MYH14: variants seen among roughly 807,000 people sequenced by gnomAD.
MYH14 encodes myosin heavy chain 14.
A neutral mutation model predicts 255.5 loss-of-function variants in MYH14; 123 were observed. The observed-to-expected ratio is 0.48, with a 90% CI of 0.42 to 0.56. MYH14 has a LOEUF of 0.56. Ranked by LOEUF, MYH14 falls within the 20% of genes least tolerant of loss-of-function variation. The pLI, the probability that MYH14 is intolerant of heterozygous loss-of-function variation, is 0.00. For synonymous variants in MYH14, 1,095 were observed against 1,161.2 expected (o/e 0.94, Z 1.16); for missense variants, 2,423 against 2,802.3 (o/e 0.86, Z 3.06).
intron 10 of MYH14, among the ~76,000 whole-genome samples, chr19:50,243,064 T>C (rs1476494007): frequency 6.6e-6 from 1 of 152,092 alleles, no homozygotes; most frequent in Non-Finnish European, 1.5e-5. Context: ...CGAGTTACGG[T>C]GCTGTTGGCC....
chr19:50,267,872 G>C (rs1028908855), intron 23 of MYH14, among the ~76,000 whole-genome samples: 3 of 152,034 alleles, frequency 2.0e-5, no homozygotes, highest in Middle Eastern at 3.2e-3. Context: ...GAGCCTGTTG[G>C]GGCTGTAGGG....
At chr19:50,279,918 G>C in intron 30 of MYH14, 119 bp from the exon 31 acceptor site, 2 of 800,724 alleles carry the variant, frequency 2.5e-6, no homozygotes, top group Non-Finnish European at 4.3e-6. Flanking sequence ...CTGCCAGACT[G>C]TTTTCCACGG....
intron 27 of MYH14, 108 bp downstream of exon 27, chr19:50,272,839 C>A: frequency 9.0e-7 from 1 of 1,116,256 alleles, no homozygotes; most frequent in Non-Finnish European, 1.3e-6. Context: ...TGGAGCCACT[C>A]ACCAGCCACA....
rs1038442317 is a variant in MYH14 at position 50,250,291 on chromosome 19, G to A, written c.1657-224G>A. Among the ~76,000 whole-genome samples, 2 of 133,116 alleles carry A rather than the reference G, an allele frequency of 1.5e-5. No homozygotes were observed. Among genetic ancestry groups the A allele is most frequent in the South Asian group, 2.2e-4 (1 of 4,502 alleles). 87.3% of individuals were successfully genotyped at this position (133,116 alleles called of 152,430 possible). ...AATTTTTTGTATTTTTAGTAGAGTC[G>A]GGGGTTTCACTGTGTTAGCCAGGAT... On this transcript the variant is annotated intron_variant, in intron 14 of 42. Coordinates refer to ENST00000642316, the MANE Select transcript of MYH14 (RefSeq NM_001145809.2). This position sits in a 1 kb window ranked among gnomAD's most constrained non-coding sequence, Gnocchi z 5.4.
chr19:50,297,684 G>A (rs2036325214), intron 39 of MYH14, among the ~76,000 whole-genome samples: 1 of 151,216 alleles, frequency 6.6e-6, no homozygotes. Context: ...ATTTTTAGTA[G>A]TGATGGCATT....
chr19:50,230,685 G>T lies in MYH14; in HGVS notation c.973+62G>T. The T allele has an allele frequency of 1.4e-6, 2 of 1,451,918 alleles. No individual in the cohort carries two copies. Among genetic ancestry groups the T allele is most frequent in the South Asian group, 1.2e-5 (1 of 82,072 alleles). 89.9% of individuals were successfully genotyped at this position (1,451,918 alleles called of 1,614,324 possible). ...GAGGGTGGGCACCATGTCTCTCGGG[G>T]GCCCCTTCTGGGGAGGAAGCAAGAG... is the stretch of plus-strand genomic sequence containing the variant. On this transcript the variant is annotated intron_variant, in intron 9 of 42. Coordinates refer to ENST00000642316, the MANE Select transcript of MYH14 (RefSeq NM_001145809.2). This position sits in a 1 kb window ranked among gnomAD's most constrained non-coding sequence, Gnocchi z 4.7.
intron 7 of MYH14, 81 bp from the exon 8 acceptor site, chr19:50,226,822 G>A: frequency 7.5e-7 from 1 of 1,330,750 alleles, no homozygotes; most frequent in Non-Finnish European, 1.1e-6. Context: ...GGAGCAGTGG[G>A]TGTGGGGTTT....
At chr19:50,256,837 TTCTC>T (rs61244271) in intron 17 of MYH14, among the ~76,000 whole-genome samples, 60,164 of 151,978 alleles carry the variant, frequency 0.4, 12,299 homozygotes, top group Middle Eastern at 0.46. Context: ...TATCACTGTT[TTCTC>T]TCTCTATGCC....
intron 27 of MYH14, among the ~76,000 whole-genome samples, chr19:50,275,719 G>A (rs1164225157): frequency 6.6e-6 from 1 of 152,170 alleles, no homozygotes; most frequent in Non-Finnish European, 1.5e-5. Flanking sequence ...TCAGCTACAC[G>A]GGATGCTGTG....
chr19:50,308,615 T>C, intron 41 of MYH14: 2 of 191,074 alleles, frequency 1.0e-5, no homozygotes, highest in Non-Finnish European at 2.2e-5. Context: ...TCAGTGAAGT[T>C]GGTCTGGACA....
chr19:50,279,179 C>T (rs1390584281), intron 30 of MYH14, among the ~76,000 whole-genome samples: 1 of 152,156 alleles, frequency 6.6e-6, no homozygotes, highest in Non-Finnish European at 1.5e-5. Context: ...CACTAATCTC[C>T]TTTCTGTCTT....
intron 12 of MYH14, 73 bp downstream of exon 12, chr19:50,247,195 G>A: frequency 1.9e-6 from 2 of 1,057,268 alleles, no homozygotes; most frequent in Non-Finnish European, 2.9e-6. Flanking sequence ...AACAGTGTAT[G>A]CTGTTTTTCC....
At chr19:50,218,856 G>A (rs4802670) in intron 3 of MYH14, among the ~76,000 whole-genome samples, 75,872 of 151,172 alleles carry the variant, frequency 0.5, 21,802 homozygotes, top group Non-Finnish European at 0.64. Flanking sequence ...GAGAACATAC[G>A]ATGTTTGATT....
chr19:50,239,795 C>T (rs149147365), intron 10 of MYH14, among the ~76,000 whole-genome samples: 1,544 of 151,638 alleles, frequency 0.01, 18 homozygotes, highest in African/African-American at 0.035. Flanking sequence ...GTGATCTGCC[C>T]GCCTCAGCCT....
Position 50,272,739 on chromosome 19 carries a change from G to A in MYH14, c.3467+8G>A. Reference sequence around the variant, plus strand: ...GCAGGCTGCCCTGGCCAGGTGCAGGGTGGGGTGGGCTTGGTGGGGTAAGCA... The same window carrying A: ...GCAGGCTGCCCTGGCCAGGTGCAGGATGGGGTGGGCTTGGTGGGGTAAGCA... On this transcript the variant is annotated splice_region_variant and intron_variant, in intron 27 of 42. Coordinates refer to ENST00000642316, the MANE Select transcript of MYH14 (RefSeq NM_001145809.2). 1 of 1,549,668 alleles carries A rather than the reference G, an allele frequency of 6.5e-7. No individual in the cohort carries two copies. The highest frequency in any genetic ancestry group is 1.2e-5 in the South Asian group (1 of 83,968).
chr19:50,288,256 TC>T (rs2035956820), intron 34 of MYH14, among the ~76,000 whole-genome samples: 1 of 152,200 alleles, frequency 6.6e-6, no homozygotes, highest in African/African-American at 2.4e-5. Context: ...TTCTTTATTT[TC>T]CCAACAACGT....
chr19:50,210,031 G>A (rs10412045), intron 1 of MYH14, among the ~76,000 whole-genome samples: 4,099 of 138,754 alleles, frequency 0.03, 181 homozygotes, highest in African/African-American at 0.1. Flanking sequence ...CCTGGATGCC[G>A]AGGTTGCAGT....
intron 10 of MYH14, among the ~76,000 whole-genome samples, chr19:50,241,313 T>G (rs1036624161): frequency 2.0e-5 from 3 of 152,168 alleles, no homozygotes; most frequent in African/African-American, 7.2e-5. Flanking sequence ...CATGTGCCTG[T>G]AGTCCCAGCT....
chr19:50,306,001 G>T (rs926996344), intron 40 of MYH14, among the ~76,000 whole-genome samples: 1 of 151,084 alleles, frequency 6.6e-6, no homozygotes, highest in Middle Eastern at 3.5e-3. Context: ...AGTCTCAGCC[G>T]GGCGCAGTGG....
Sources: gnomAD v4.1 joint callset for allele counts (sites outside exome capture counted in the v4.1 genomes callset) on GRCh38, gnomAD v4.1.1 for gene constraint, Gnocchi (gnomAD v3.1) non-coding constraint, MANE v1.5 for transcripts, NCBI Gene and HGNC (gene_info 2026-07-23, HGNC 2026-07-21) for gene names.